Variants in CTNND2 observed in about 807,000 individuals in gnomAD.
The protein encoded by CTNND2 is catenin delta 2, also known as catenin delta-2.
A neutral mutation model predicts 144.4 loss-of-function variants in CTNND2; 22 were observed. That is an observed-to-expected ratio of 0.15 (90% CI 0.11 to 0.22). The LOEUF is 0.22. Ranked by LOEUF, CTNND2 falls within the 10% of genes least tolerant of loss-of-function variation. The probability of loss-of-function intolerance (pLI) is 1.00; values close to 1 mark genes in which losing one functional copy is unlikely to be tolerated. For synonymous variants in CTNND2, 751 were observed against 695.6 expected, an observed-to-expected ratio of 1.08 and a Z score of -1.25; for missense variants, 1,353 against 1,618.8, an observed-to-expected ratio of 0.84 and a Z score of 2.82.
chr5:11,648,294 C>T (rs189267795), intron 2 of CTNND2, among the ~76,000 whole-genome samples: 1 of 152,032 alleles, frequency 6.6e-6, no homozygotes, highest in East Asian at 1.9e-4. Flanking sequence ...ATATGGGCCA[C>T]CAGACCTAGG....
intron 3 of CTNND2, among the ~76,000 whole-genome samples, chr5:11,435,287 C>T (rs548820082): frequency 2.0e-5 from 3 of 151,960 alleles, no homozygotes; most frequent in East Asian, 3.9e-4. Flanking sequence ...TACAGGTGGC[C>T]GCCACCAAGC....
intron 9 of CTNND2, 138 bp downstream of exon 9, chr5:11,346,234 T>C: frequency 1.3e-6 from 1 of 773,976 alleles, no homozygotes; most frequent in Non-Finnish European, 1.8e-6. Flanking sequence ...ACATTCCAAG[T>C]CAAACAAAAG....
At chr5:11,826,978 G>A (rs1021581760) in intron 1 of CTNND2, among the ~76,000 whole-genome samples, 2 of 152,042 alleles carry the variant, frequency 1.3e-5, no homozygotes, top group Non-Finnish European at 2.9e-5. Flanking sequence ...TGAACATGAT[G>A]TCATTGACAT....
Position 11,385,048 on chromosome 5 carries a change from C to T in CTNND2, c.794G>A (p.Gly265Glu). 1 of 1,132,914 alleles carries T rather than the reference C, an allele frequency of 8.8e-7. No individual in the cohort carries two copies. Among genetic ancestry groups the T allele is most frequent in the African/African-American group, 1.7e-5 (1 of 60,448 alleles). The allele number at this position is 1,132,914 out of a possible 1,614,324, so 70.2% of individuals were successfully genotyped here. A position where few individuals can be genotyped will look rare whatever the true frequency, so the allele number is the denominator to read the frequency against. ...SSSTLPAPPR[G>E]GSPLAAPQGG... ...CTGGGGCGCGGCCAGCGGGGAGCCC[C>T]CGCGCGGCGGCGCGGGCAGCGTGGA... Residue 265 changes from glycine (G) to glutamate (E), a missense_variant, in exon 7 of 22, where the codon GGG (glycine) becomes GAG (glutamate). Gly to Glu is a moderately conservative substitution (Grantham distance 98, BLOSUM62 -2). This residue lies in a region of CTNND2 where 708 missense variants were observed against 706.4 expected (regional missense o/e 1.00). Coordinates refer to ENST00000304623, the MANE Select transcript of CTNND2 (RefSeq NM_001332.4).
chr5:11,180,356 AG>A (rs1760883534), intron 11 of CTNND2, among the ~76,000 whole-genome samples: 1 of 152,224 alleles, frequency 6.6e-6, no homozygotes, highest in South Asian at 2.1e-4. Context: ...ACCCAGTCTC[AG>A]GAAGTTCTTT....
intron 3 of CTNND2, among the ~76,000 whole-genome samples, chr5:11,544,746 G>A (rs1775062155): frequency 6.6e-6 from 1 of 152,192 alleles, no homozygotes; most frequent in Non-Finnish European, 1.5e-5. Flanking sequence ...ATTTTGGGAG[G>A]CCAAGGCCAG....
chr5:11,160,877 C>T (rs1270275602), intron 11 of CTNND2, among the ~76,000 whole-genome samples: 6 of 152,206 alleles, frequency 3.9e-5, no homozygotes, highest in Non-Finnish European at 8.8e-5. Flanking sequence ...ACATGTTGAA[C>T]TATCCAAGGA....
intron 7 of CTNND2, among the ~76,000 whole-genome samples, chr5:11,377,200 G>A (rs1027157107): frequency 4.6e-5 from 7 of 151,722 alleles, no homozygotes; most frequent in South Asian, 4.2e-4. Context: ...ACAGGCACGC[G>A]CCGCCACACC....
chr5:11,761,960 C>A (rs187936904), intron 1 of CTNND2, among the ~76,000 whole-genome samples: 1 of 152,102 alleles, frequency 6.6e-6, no homozygotes, highest in African/African-American at 2.4e-5. Context: ...AGGACCAGGT[C>A]ACATATATAT....
intron 3 of CTNND2, among the ~76,000 whole-genome samples, chr5:11,450,696 G>A (rs1306227117): frequency 6.6e-6 from 1 of 151,976 alleles, no homozygotes; most frequent in South Asian, 2.1e-4. Flanking sequence ...TCAGGAGATC[G>A]AGACCATCCT....
At chr5:11,844,426 G>A (rs74858482) in intron 1 of CTNND2, among the ~76,000 whole-genome samples, 2,180 of 151,906 alleles carry the variant, frequency 0.014, 54 homozygotes, top group African/African-American at 0.05. Flanking sequence ...ACTGCTTGCC[G>A]GATTTTGAAG....
intron 2 of CTNND2, among the ~76,000 whole-genome samples, chr5:11,600,316 A>T (rs1779718558): frequency 6.6e-6 from 1 of 152,300 alleles, no homozygotes; most frequent in Middle Eastern, 3.4e-3. Context: ...AACAAAAAAA[A>T]TTTTGTATTA....
chr5:11,609,365 C>T (rs563034693), intron 2 of CTNND2, among the ~76,000 whole-genome samples: 2 of 152,126 alleles, frequency 1.3e-5, no homozygotes, highest in South Asian at 2.1e-4. Flanking sequence ...AATAGTTGAT[C>T]GAAAGTTTCA....
intron 3 of CTNND2, among the ~76,000 whole-genome samples, chr5:11,495,364 CT>C (rs1422942056): frequency 1.3e-5 from 2 of 151,754 alleles, no homozygotes; most frequent in African/African-American, 4.8e-5. Flanking sequence ...TACAGTATTT[CT>C]TCTATCCCCT....
intron 3 of CTNND2, among the ~76,000 whole-genome samples, chr5:11,533,028 A>G (rs939098596): frequency 1.3e-5 from 2 of 152,216 alleles, no homozygotes; most frequent in African/African-American, 4.8e-5. Context: ...AAACTTGAAC[A>G]CCAGCCACTA....
intron 1 of CTNND2, among the ~76,000 whole-genome samples, chr5:11,816,601 G>T (rs1348987344): frequency 7.3e-6 from 1 of 136,264 alleles, no homozygotes; most frequent in Non-Finnish European, 1.6e-5. Context: ...AGCAGGTAGG[G>T]GAGGGAAGAG....
At chr5:11,584,406 CAT>C (rs1228029314) in intron 2 of CTNND2, among the ~76,000 whole-genome samples, 8 of 119,994 alleles carry the variant, frequency 6.7e-5, no homozygotes, top group African/African-American at 2.2e-4. Flanking sequence ...TCTATATATA[CAT>C]ATATATATAT....
At chr5:11,175,686 AAATGCTTTCCATATATT>A (rs1760415238) in intron 11 of CTNND2, among the ~76,000 whole-genome samples, 1 of 151,754 alleles carries the variant, frequency 6.6e-6, no homozygotes, top group Non-Finnish European at 1.5e-5. Context: ...AGAGTGTTTG[AAATGCTTTCCATATATT>A]AACTCATCTG....
At chr5:11,587,737 TA>T (rs1317381780) in intron 2 of CTNND2, among the ~76,000 whole-genome samples, 2 of 152,138 alleles carry the variant, frequency 1.3e-5, no homozygotes, top group African/African-American at 4.8e-5. Flanking sequence ...GACTTTTTTA[TA>T]AAGACTTTAT....
Sources: allele counts gnomAD v4.1 joint callset (sites outside exome capture counted in the v4.1 genomes callset), GRCh38; gene constraint gnomAD v4.1.1; regional missense constraint gnomAD v4.1.1; transcripts MANE v1.5; gene names NCBI Gene and HGNC (gene_info 2026-07-23, HGNC 2026-07-21).